Variants in PDHB observed in about 807,000 individuals in gnomAD.
The protein encoded by PDHB is pyruvate dehydrogenase E1 subunit beta.
A neutral mutation model predicts 42.8 loss-of-function variants in PDHB; 17 were observed. That is an observed-to-expected ratio of 0.40 (90% CI 0.27 to 0.60). PDHB has a LOEUF of 0.60. PDHB is among the 20% of genes least tolerant of loss of function. The pLI is 0.46. For missense variants in PDHB, 322 were observed against 451.3 expected (o/e 0.71, Z 2.60); for synonymous variants, 154 against 148.7 (o/e 1.04, Z -0.26).
Position 58,430,163 on chromosome 3 carries a change from A to G in PDHB, c.665T>C (p.Leu222Pro). 6.2e-7 allele frequency: 1 copy of G among 1,611,876 alleles called. No homozygotes were observed. Among genetic ancestry groups the G allele is most frequent in the Non-Finnish European group, 8.5e-7 (1 of 1,178,086 alleles). ...FPPEAQSKDF[L>P]IPIGKAKIER... ...TATTTTGGCTTTTCCAATAGGAATC[A>G]GAAAATCTTTTGACTGAGCTTCCGG... The change falls in exon 7 of 10, where the codon CTG becomes CCG. Residue 222 changes from leucine (L) to proline (P), a missense_variant. By Grantham distance (98) the Leu-to-Pro change is moderately conservative. Transcript: ENST00000302746.
intron 8 of PDHB, chr3:58,428,916 G>T: frequency 2.8e-6 from 1 of 354,138 alleles, no homozygotes; most frequent in Non-Finnish European, 5.3e-6. Flanking sequence ...GTGCAGTGGC[G>T]TGATCTCGGC....
chr3:58,428,147 C>T lies in PDHB; in HGVS notation c.967G>A (p.Val323Ile), dbSNP rs1479502588. ...GGGACATCAGCACCAGTGACACGAA[C>T]AGCAGGAGCATCCAGGAAATTGAAC... is the stretch of plus-strand genomic sequence containing the variant. ...PAFNFLDAPA[V>I]RVTGADVPMP... Residue 323 changes from valine (V) to isoleucine (I), a missense_variant, in exon 10 of 10, where the codon GTT (valine) becomes ATT (isoleucine). Physicochemically the swap from Val to Ile is conservative, Grantham distance 29 (BLOSUM62 3). This residue lies in a region of PDHB where 208 missense variants were observed against 285.0 expected (regional missense o/e 0.73). Coordinates refer to ENST00000302746, the MANE Select transcript of PDHB (RefSeq NM_000925.4). 1 of 1,613,978 alleles carries T rather than the reference C, an allele frequency of 6.2e-7. No individual in the cohort carries two copies. Among genetic ancestry groups the T allele is most frequent in the South Asian group, 1.1e-5 (1 of 91,074 alleles).
In PDHB at chr3:58,430,837, G is replaced by A; in HGVS notation, c.409C>T (p.Leu137Phe). The A allele has an allele frequency of 6.2e-7, 1 of 1,614,154 alleles. No individual in the cohort carries two copies. Among genetic ancestry groups the A allele is most frequent in the African/African-American group, 1.3e-5 (1 of 75,054 alleles). ...AAKTYYMSGG[L>F]QPVPIVFRGP... is the part of the protein sequence containing the mutation. ...CTGAAGACTATAGGCACAGGCTGAA[G>A]GCCACCAGACATGTAGTAGGTCTTG... The change falls in exon 6 of 10, where the codon CTT becomes TTT. Residue 137 changes from leucine to phenylalanine, a missense_variant. Physicochemically the swap from Leu to Phe is conservative, Grantham distance 22. Coordinates refer to ENST00000302746, the MANE Select transcript of PDHB (RefSeq NM_000925.4).
chr3:58,430,008 C>T (rs1395893753), intron 7 of PDHB, 120 bp downstream of exon 7: 1 of 743,958 alleles, frequency 1.3e-6, no homozygotes, highest in African/African-American at 1.7e-5. Flanking sequence ...GAAATTGGGG[C>T]ATCTTGAGCT....
rs530262800 is a variant in PDHB at position 58,433,557 on chromosome 3, G to A, written c.96+74C>T. 4.0e-6 allele frequency: 6 copies of A among 1,491,538 alleles called. No individual in the cohort carries two copies. The African/African-American group carries it at 6.9e-5, about 17-fold the overall frequency. The allele number at this position is 1,491,538 out of a possible 1,614,324, so 92.4% of individuals were successfully genotyped here. A position where few individuals can be genotyped will look rare whatever the true frequency, so the allele number is the denominator to read the frequency against. On this transcript the variant is annotated intron_variant, in intron 2 of 9. Coordinates refer to ENST00000302746, the MANE Select transcript of PDHB (RefSeq NM_000925.4). Reference sequence around the variant, plus strand: ...GGCGCCGGAAGGCCACAGCGCAGGCGCGACTCCGGCCTCCTTCCCGAGAGA... The same window carrying A: ...GGCGCCGGAAGGCCACAGCGCAGGCACGACTCCGGCCTCCTTCCCGAGAGA...
chr3:58,433,462 A>T, intron 2 of PDHB, 169 bp downstream of exon 2: 1 of 708,274 alleles, frequency 1.4e-6, no homozygotes, highest in Non-Finnish European at 2.4e-6. Context: ...CCGGTGTGCT[A>T]ATTGCCAGGC....
rs1221356795 is a variant in PDHB, at chr3:58,427,659, AAAAC to A, written c.*371_*374del. On this transcript the variant is annotated 3_prime_UTR_variant, in exon 10 of 10. Coordinates refer to ENST00000302746, the MANE Select transcript of PDHB (RefSeq NM_000925.4). Reference sequence around the variant, plus strand: ...GTTAGAAATTCCTTTATTCCTTATCAAAACAAACTAACAGTAAATGTATATTATA... The same window carrying A: ...GTTAGAAATTCCTTTATTCCTTATCAAAACTAACAGTAAATGTATATTATA... 3 of 366,536 alleles carry A rather than the reference AAAAC, an allele frequency of 8.2e-6. No individual in the cohort carries two copies. Among genetic ancestry groups the A allele is most frequent in the African/African-American group, 6.4e-5 (3 of 46,778 alleles). 22.7% of individuals were successfully genotyped at this position (366,536 alleles called of 1,614,324 possible). A position where few individuals can be genotyped will look rare whatever the true frequency, so the allele number is the denominator to read the frequency against.
In PDHB at chr3:58,433,682, G is replaced by C. The variant is rs747916943; in HGVS notation, c.45C>G (p.Val15=). 11 of 1,612,836 alleles carry C rather than the reference G, an allele frequency of 6.8e-6. No homozygotes were observed. Among genetic ancestry groups the C allele is most frequent in the Middle Eastern group, 1.7e-4 (1 of 6,048 alleles). Residue 15 remains valine (V), a splice_region_variant and synonymous_variant, in exon 2 of 10, where the codon GTC becomes GTG. Coordinates refer to ENST00000302746, the MANE Select transcript of PDHB (RefSeq NM_000925.4). ...SGLVRRPLRE[V]SGLLKRRFHW... ...GAAAGCGCCTCTTCAGCAGCCCGGA[G>C]ACCTGGCAGGGAGAGAGGAAGATGA...
At chr3:58,433,563 C>A (rs1488702322) in intron 2 of PDHB, 68 bp downstream of exon 2, 1 of 1,522,782 alleles carries the variant, frequency 6.6e-7, no homozygotes, top group African/African-American at 1.4e-5. Context: ...AGGCGCGACT[C>A]CGGCCTCCTT....
intron 8 of PDHB, chr3:58,428,819 G>T: frequency 1.7e-6 from 1 of 593,130 alleles, no homozygotes; most frequent in Non-Finnish European, 3.0e-6. Context: ...ACCACAAGCA[G>T]CTCTGTGCAG....
rs760966357 is a variant in PDHB at position 58,430,726 on chromosome 3, C to A, written c.520G>T (p.Val174Leu). The A allele has an allele frequency of 6.2e-7, 1 of 1,614,056 alleles. No individual in the cohort carries two copies. Residue 174 changes from valine to leucine, a missense_variant, in exon 6 of 10, where the codon GTG becomes TTG. By Grantham distance (32) the Val-to-Leu change is conservative. Transcript: ENST00000302746. ...AWYGHCPGLK[V>L]VSPWNSEDAK... is the part of the protein sequence containing the mutation. ...TCCTCTGAATTCCAGGGACTGACCACCTTTAAGCCTGGGCAGTGCCCATAC... is the reference window on the plus strand; with the variant it reads ...TCCTCTGAATTCCAGGGACTGACCAACTTTAAGCCTGGGCAGTGCCCATAC...
In PDHB at chr3:58,427,770, T is replaced by C. The variant is rs1258121611; in HGVS notation, c.*264A>G. ...CTGCCACATCCATACTTTGTCCTTGTGGTGAGAGAGGATAAAATGTTATAT... is the reference window on the plus strand; with the variant it reads ...CTGCCACATCCATACTTTGTCCTTGCGGTGAGAGAGGATAAAATGTTATAT... On this transcript the variant is annotated 3_prime_UTR_variant, in exon 10 of 10. Transcript: ENST00000302746. 5.7e-6 allele frequency: 3 copies of C among 529,170 alleles called. No homozygotes were observed. Among genetic ancestry groups the C allele is most frequent in the Admixed American group, 4.5e-5 (2 of 44,866 alleles). 32.8% of individuals were successfully genotyped at this position (529,170 alleles called of 1,614,324 possible).
Position 58,431,559 on chromosome 3 carries a change from T to C in PDHB, c.303+34A>G, listed in dbSNP as rs766151501. 6.5e-7 allele frequency: 1 copy of C among 1,537,408 alleles called. No individual in the cohort carries two copies. Among genetic ancestry groups the C allele is most frequent in the Admixed American group, 1.7e-5 (1 of 59,824 alleles). ...AGAAAAAAAAAGAAAACAAGAAATG[T>C]CTTTGGATAAGTTTCATAAAGAGTA... On this transcript the variant is annotated intron_variant, in intron 5 of 9. Transcript: ENST00000302746. This position sits in a 1 kb window ranked among gnomAD's most constrained non-coding sequence, Gnocchi z 4.4.
intron 5 of PDHB, 55 bp from the exon 6 acceptor site, chr3:58,430,997 GCAAA>G (rs1271845478): frequency 6.6e-5 from 98 of 1,489,308 alleles, no homozygotes; most frequent in Non-Finnish European, 8.8e-5. Flanking sequence ...ACAAACAGTA[GCAAA>G]CAAATCACTC....
intron 8 of PDHB, 63 bp from the exon 9 acceptor site, chr3:58,428,677 T>C (rs1285512777): frequency 1.4e-6 from 2 of 1,393,808 alleles, no homozygotes; most frequent in African/African-American, 1.5e-5. Context: ...CTTATCCCCA[T>C]AATACCATTT....
chr3:58,432,822 G>C (rs888610298), intron 2 of PDHB: 2 of 152,192 alleles, frequency 1.3e-5, no homozygotes, highest in Non-Finnish European at 2.9e-5. Context: ...AATATGGTGA[G>C]ACCCTGTCTG....
rs374476885 is a variant in PDHB at position 58,428,027 on chromosome 3, G to A, written c.*7C>T. ...TAAATTTCAACGACTTGATATTCAA[G>A]TCCAAACTAAATATTTAATGTTTTC... On this transcript the variant is annotated 3_prime_UTR_variant, in exon 10 of 10. Transcript: ENST00000302746. The A allele has an allele frequency of 1.9e-6, 3 of 1,595,886 alleles. No individual in the cohort carries two copies. The highest frequency in any genetic ancestry group is 1.3e-5 in the African/African-American group (1 of 74,580).
In PDHB at chr3:58,427,707, A is replaced by G; in HGVS notation, c.*327T>C. The G allele has an allele frequency of 4.5e-6, 2 of 449,014 alleles. No homozygotes were observed. The highest frequency in any genetic ancestry group is 8.8e-6 in the Non-Finnish European group (2 of 226,908). 27.8% of individuals were successfully genotyped at this position (449,014 alleles called of 1,614,324 possible). The stretch of plus-strand genomic sequence containing the variant: ...TATTATATGCTTTAATTTTATACAT[A>G]TAAGTTATCTTGTTTGGATACATCT... On this transcript the variant is annotated 3_prime_UTR_variant, in exon 10 of 10. Coordinates refer to ENST00000302746, the MANE Select transcript of PDHB (RefSeq NM_000925.4).
At chr3:58,433,152 C>T (rs1319472970) in intron 2 of PDHB, 2 of 202,380 alleles carry the variant, frequency 9.9e-6, no homozygotes, top group East Asian at 1.5e-4. Context: ...AATAGGCAAC[C>T]TCATAAAGAC....
Sources: gnomAD v4.1 joint callset for allele counts on GRCh38, gnomAD v4.1.1 for gene constraint, gnomAD v4.1.1 regional missense constraint, Gnocchi (gnomAD v3.1) non-coding constraint, MANE v1.5 for transcripts, NCBI Gene and HGNC (gene_info 2026-07-23, HGNC 2026-07-21) for gene names.